The following OTOGL variants were observed in gnomAD, a reference collection of about 807,000 sequenced individuals.
OTOGL encodes otogelin like.
In OTOGL, 285 loss-of-function variants were observed where a neutral mutation model predicts 318.5. That is an observed-to-expected ratio of 0.89 (90% CI 0.81 to 0.99). The LOEUF is 0.99. Ranked by LOEUF, OTOGL falls within the 50% of genes least tolerant of loss-of-function variation. The probability of loss-of-function intolerance (pLI) is 0.00; values close to 1 mark genes in which losing one functional copy is unlikely to be tolerated. For synonymous variants in OTOGL, 987 were observed against 936.5 expected, an observed-to-expected ratio of 1.05 and a Z score of -0.99; for missense variants, 2,899 against 2,845.6, an observed-to-expected ratio of 1.02 and a Z score of -0.43.
At chr12:80,338,590 C>T (rs771366140) in intron 42 of OTOGL, among the ~76,000 whole-genome samples, 2 of 151,950 alleles carry the variant, frequency 1.3e-5, no homozygotes, top group Non-Finnish European at 2.9e-5. Flanking sequence ...GTCTATAATC[C>T]AATGCAAACC....
intron 42 of OTOGL, among the ~76,000 whole-genome samples, 189 bp from the exon 43 acceptor site, chr12:80,338,886 G>A (rs1383531311): frequency 1.3e-5 from 2 of 151,932 alleles, no homozygotes; most frequent in Non-Finnish European, 2.9e-5. Context: ...ATTGACTAGA[G>A]CAAGGCACAG....
chr12:80,240,718 T>C (rs1432539226), intron 11 of OTOGL, among the ~76,000 whole-genome samples: 1 of 152,030 alleles, frequency 6.6e-6, no homozygotes, highest in African/African-American at 2.4e-5. Context: ...TTAATGAAAA[T>C]AAACATGTAA....
intron 6 of OTOGL, among the ~76,000 whole-genome samples, chr12:80,220,515 G>A (rs1247721301): frequency 6.8e-6 from 1 of 147,642 alleles, no homozygotes; most frequent in East Asian, 2.1e-4. Context: ...TTATAAAACA[G>A]ATTTATTATT....
intron 19 of OTOGL, among the ~76,000 whole-genome samples, chr12:80,263,900 C>A (rs1342122314): frequency 6.6e-6 from 1 of 151,932 alleles, no homozygotes; most frequent in African/African-American, 2.4e-5. Flanking sequence ...CTTTCAGGAT[C>A]CTTGGCATTA....
At chr12:80,227,855 C>G (rs1236610967) in intron 7 of OTOGL, among the ~76,000 whole-genome samples, 1 of 152,180 alleles carries the variant, frequency 6.6e-6, no homozygotes. Flanking sequence ...TTTGACCACT[C>G]ACTCTGAAAT....
At chr12:80,146,850 G>GTGTTTGTA (rs1872405499) in intron 1 of OTOGL, among the ~76,000 whole-genome samples, 1 of 151,930 alleles carries the variant, frequency 6.6e-6, no homozygotes, top group Non-Finnish European at 1.5e-5. Flanking sequence ...TTGCATAGAG[G>GTGTTTGTA]TGTTTGTAGT....
rs769949412 is a variant in OTOGL, at chr12:80,219,804, T to C, written c.236-10T>C. On this transcript the variant is annotated splice_polypyrimidine_tract_variant and intron_variant, in intron 5 of 58. Transcript: ENST00000547103. ...CCAGAAGATAACTTTTTTTTTTTTT[T>C]CCCCCTCAGGTTCTTGTCCTTATGA... 1.5e-3 allele frequency: 2,224 copies of C among 1,500,542 alleles called. 9 individuals are homozygous for C. Among genetic ancestry groups the C allele is most frequent in the South Asian group, 0.01 (850 of 84,872 alleles). The allele number at this position is 1,500,542 out of a possible 1,614,324, so 93.0% of individuals were successfully genotyped here. A position where few individuals can be genotyped will look rare whatever the true frequency, so the allele number is the denominator to read the frequency against.
chr12:80,331,170 A>G (rs1888044201), intron 37 of OTOGL, among the ~76,000 whole-genome samples: 1 of 152,070 alleles, frequency 6.6e-6, no homozygotes, highest in South Asian at 2.1e-4. Context: ...AAAAATAACT[A>G]ATTTGGAGTA....
chr12:80,156,609 A>G (rs900488720), intron 1 of OTOGL, among the ~76,000 whole-genome samples: 2 of 152,122 alleles, frequency 1.3e-5, no homozygotes, highest in African/African-American at 2.4e-5. Context: ...TGTTCTAGTG[A>G]TAGTGAACAA....
chr12:80,274,149 G>A (rs954318356), intron 24 of OTOGL, among the ~76,000 whole-genome samples: 1 of 152,028 alleles, frequency 6.6e-6, no homozygotes, highest in African/African-American at 2.4e-5. Flanking sequence ...TAAATCAAAA[G>A]CTAGAAATGA....
intron 42 of OTOGL, among the ~76,000 whole-genome samples, chr12:80,338,645 CAG>C (rs1888556377): frequency 6.6e-6 from 1 of 152,028 alleles, no homozygotes; most frequent in South Asian, 2.1e-4. Flanking sequence ...ACAAGCCTGA[CAG>C]ATGATTGTTA....
chr12:80,362,198 C>A (rs1039830132), intron 52 of OTOGL, among the ~76,000 whole-genome samples: 1 of 152,136 alleles, frequency 6.6e-6, no homozygotes, highest in East Asian at 1.9e-4. Context: ...TGTCTGCATG[C>A]GGAAATGCAA....
intron 6 of OTOGL, among the ~76,000 whole-genome samples, chr12:80,220,606 C>G (rs929262836): frequency 1.8e-5 from 2 of 110,824 alleles, no homozygotes; most frequent in Non-Finnish European, 4.0e-5. Flanking sequence ...TCTTCGAGGG[C>G]AAGGGCTTTT....
intron 52 of OTOGL, 107 bp from the exon 53 acceptor site, chr12:80,366,466 GT>G: frequency 2.8e-6 from 1 of 357,760 alleles, no homozygotes; most frequent in Non-Finnish European, 5.2e-6. Flanking sequence ...CTGAGTATGT[GT>G]GTGTGTGTGT....
intron 49 of OTOGL, 137 bp downstream of exon 49, chr12:80,357,051 G>A: frequency 2.1e-6 from 1 of 473,158 alleles, no homozygotes; most frequent in Non-Finnish European, 3.7e-6. Context: ...GAGAACTCTT[G>A]TAAAGAAAGT....
At chr12:80,148,699 T>C (rs139394448) in intron 1 of OTOGL, among the ~76,000 whole-genome samples, 9,859 of 152,186 alleles carry the variant, frequency 0.065, 1,004 homozygotes, top group African/African-American at 0.22. Flanking sequence ...ACGAATCAGA[T>C]GTAGATTTGG....
intron 19 of OTOGL, 49 bp from the exon 20 acceptor site, chr12:80,264,952 G>A: frequency 6.4e-7 from 1 of 1,550,522 alleles, no homozygotes; most frequent in Middle Eastern, 1.7e-4. Context: ...GATAATTCTG[G>A]GGTAAGATCT....
Position 80,358,229 on chromosome 12 carries a change from G to A in OTOGL, c.6020-19G>A. On this transcript the variant is annotated intron_variant, in intron 49 of 58. Transcript: ENST00000547103. ...GTTTTTAGCTCAGCTGTGATTTTTGGCTTCTTGTTTTACCTTAGTTTGTGA... is the reference window on the plus strand; with the variant it reads ...GTTTTTAGCTCAGCTGTGATTTTTGACTTCTTGTTTTACCTTAGTTTGTGA... 1 of 1,546,308 alleles carries A rather than the reference G, an allele frequency of 6.5e-7. No homozygotes were observed. The highest frequency in any genetic ancestry group is 8.9e-7 in the Non-Finnish European group (1 of 1,122,344).
intron 1 of OTOGL, among the ~76,000 whole-genome samples, chr12:80,145,747 G>A (rs1276129738): frequency 6.6e-6 from 1 of 151,908 alleles, no homozygotes. Flanking sequence ...GCAGTGGTTT[G>A]TAGTTCTCCT....
Sources: allele counts gnomAD v4.1 joint callset (sites outside exome capture counted in the v4.1 genomes callset), GRCh38; gene constraint gnomAD v4.1.1; transcripts MANE v1.5; gene names NCBI Gene and HGNC (gene_info 2026-07-23, HGNC 2026-07-21).